TET3: variants seen among roughly 807,000 people sequenced by gnomAD.
TET3 encodes tet methylcytosine dioxygenase 3.
TET3 carries 19 observed loss-of-function variants against 141.4 expected under a neutral mutation model. The ratio of observed to expected loss-of-function variants is 0.13; its 90% CI spans 0.09 to 0.20. The LOEUF is 0.20. Among genes scored for constraint, TET3 ranks in the 10% least tolerant of loss-of-function variants. TET3 has a pLI of 1.00. For missense variants in TET3, 1,874 were observed against 2,356.9 expected (o/e 0.80, Z 4.24); for synonymous variants, 1,043 against 980.9 (o/e 1.06, Z -1.18).
intron 3 of TET3, among the ~76,000 whole-genome samples, chr2:74,017,899 T>G (rs1685818309): frequency 6.6e-6 from 1 of 152,120 alleles, no homozygotes; most frequent in Non-Finnish European, 1.5e-5. Flanking sequence ...TCACCATCAT[T>G]TATTTTTTGT....
chr2:74,041,589 T>C (rs1346205709), intron 3 of TET3, among the ~76,000 whole-genome samples: 2 of 152,210 alleles, frequency 1.3e-5, no homozygotes, highest in East Asian at 3.8e-4. Flanking sequence ...AGAAGAAAGA[T>C]ACATTAATGT....
chr2:74,104,976 A>G lies in TET3; in HGVS notation c.*2800A>G. 5.1e-6 allele frequency: 2 copies of G among 394,318 alleles called. No individual in the cohort carries two copies. The highest frequency in any genetic ancestry group is 8.9e-6 in the Non-Finnish European group (2 of 223,982). 24.4% of individuals were successfully genotyped at this position (394,318 alleles called of 1,614,324 possible). On this transcript the variant is annotated 3_prime_UTR_variant, in exon 12 of 12. Transcript: ENST00000409262. ...ACACTACATGTCTAACCTACCTCAA[A>G]TCTCAGTCATTAAAATTAGCATGCT...
chr2:73,999,505 T>G (rs1172458123), intron 2 of TET3, among the ~76,000 whole-genome samples: 13 of 152,194 alleles, frequency 8.5e-5, no homozygotes, highest in Non-Finnish European at 1.2e-4. Context: ...TTTGAATATC[T>G]GTGTGGAATC....
intron 3 of TET3, among the ~76,000 whole-genome samples, chr2:74,014,220 A>C (rs1430861774): frequency 6.6e-6 from 1 of 152,120 alleles, no homozygotes; most frequent in Non-Finnish European, 1.5e-5. Context: ...GATCCTTAGC[A>C]CATTTTTTCT....
At chr2:74,130,435 G>C in the TET3 span, 3 of 152,320 alleles carry the variant, frequency 2.0e-5, no homozygotes, top group African/African-American at 7.2e-5. Flanking sequence ...TGATTGGGCA[G>C]GGAGTGGAGA....
rs1690653688 is a variant in TET3 at position 74,093,904 on chromosome 2, G to A, written c.3267+238G>A. On this transcript the variant is annotated intron_variant, in intron 10 of 11. Transcript: ENST00000409262. This position sits in a 1 kb window ranked among gnomAD's most constrained non-coding sequence, Gnocchi z 4.2. ...GTCTGTGTCTTAGGGGGATGCTGCA[G>A]GATGTAGCCCCTCAAGCACCTGGAG... Among the ~76,000 whole-genome samples the A allele has an allele frequency of 6.6e-6, 1 of 152,220 alleles. No homozygotes were observed. Among genetic ancestry groups the A allele is most frequent in the South Asian group, 2.1e-4 (1 of 4,822 alleles).
chr2:74,082,775 T>A (rs1399821875), intron 6 of TET3, among the ~76,000 whole-genome samples: 1 of 152,016 alleles, frequency 6.6e-6, no homozygotes. Flanking sequence ...CCTTTGGAAG[T>A]TGAAGAGGAG....
chr2:74,091,652 G>C (rs1018734194), intron 8 of TET3, among the ~76,000 whole-genome samples: 1 of 152,268 alleles, frequency 6.6e-6, no homozygotes, highest in African/African-American at 2.4e-5. Flanking sequence ...CGACCCCACT[G>C]GATGTACAGC....
At position 74,053,423 on chromosome 2, in the gene TET3, T is replaced by C. The variant is rs146109935; in HGVS notation, c.2494+5012T>C. ...TTTTTAGTGGGAAAAGCATCCTTTG[T>C]GCTCATCTAGTCACCATCTTAGAGA... On this transcript the variant is annotated intron_variant, in intron 4 of 11. Coordinates refer to ENST00000409262, the MANE Select transcript of TET3 (RefSeq NM_001287491.2). Among the ~76,000 whole-genome samples the C allele has an allele frequency of 1.7e-4, 26 of 152,340 alleles. No individual in the cohort carries two copies. In the East Asian group the frequency reaches 5.0e-3, roughly 29 times the overall value.
At chr2:74,133,072 ATT>A in the TET3 span, among the ~76,000 whole-genome samples, 28,279 of 104,934 alleles carry the variant, frequency 0.27, 3,174 homozygotes, top group East Asian at 0.43. Flanking sequence ...TAATTTTTGT[ATT>A]TTTTTTTTTT....
intron 4 of TET3, among the ~76,000 whole-genome samples, chr2:74,061,304 C>T (rs1356314272): frequency 7.0e-6 from 1 of 142,530 alleles, no homozygotes; most frequent in Admixed American, 6.8e-5. Flanking sequence ...TCCTCACTTC[C>T]CAGTAGGGGC....
intron 4 of TET3, among the ~76,000 whole-genome samples, chr2:74,050,199 C>T (rs1235358117): frequency 6.6e-6 from 1 of 152,158 alleles, no homozygotes; most frequent in Admixed American, 6.5e-5. Context: ...ATTTGCATCC[C>T]AACTCCATCA....
At chr2:73,987,936 G>A (rs1318524553) in intron 2 of TET3, among the ~76,000 whole-genome samples, 2 of 152,322 alleles carry the variant, frequency 1.3e-5, no homozygotes, top group South Asian at 4.1e-4. Context: ...TAGGAAGAAA[G>A]ATTCAAGTGT....
intron 3 of TET3, among the ~76,000 whole-genome samples, chr2:74,038,054 G>T (rs957591936): frequency 6.6e-6 from 1 of 152,166 alleles, no homozygotes; most frequent in African/African-American, 2.4e-5. Flanking sequence ...GCCTGCAGAT[G>T]TCTGGAGGAC....
rs1573779706 is a variant in TET3, at chr2:74,047,125, C to T, written c.1208C>T (p.Ala403Val). ...PFRSPQSYLR[A>V]PSWPVVPPEE... ...AGATCTCCCCAGTCTTACCTCCGGGCTCCCTCATGGCCTGTGGTTCCTCCT... is the reference window on the plus strand; with the variant it reads ...AGATCTCCCCAGTCTTACCTCCGGGTTCCCTCATGGCCTGTGGTTCCTCCT... Residue 403 changes from alanine (A) to valine (V), a missense_variant, in exon 4 of 12, where the codon GCT becomes GTT. By Grantham distance (64) the Ala-to-Val change is moderately conservative. Around this residue, in one of 10 missense-constraint regions of TET3, gnomAD observed 484 missense variants for 462.2 expected, o/e 1.05. Coordinates refer to ENST00000409262, the MANE Select transcript of TET3 (RefSeq NM_001287491.2). 6.2e-7 allele frequency: 1 copy of T among 1,613,966 alleles called. No homozygotes were observed. Among genetic ancestry groups the T allele is most frequent in the East Asian group, 2.2e-5 (1 of 44,870 alleles).
chr2:74,120,844 C>T, the TET3 span: 2 of 152,218 alleles, frequency 1.3e-5, no homozygotes, highest in Non-Finnish European at 2.9e-5. Context: ...GAATACATTA[C>T]GTAAAACTCT....
chr2:74,122,490 C>CATATATATATAT, the TET3 span: 11 of 59,366 alleles, frequency 1.9e-4, no homozygotes, highest in South Asian at 2.5e-3. Flanking sequence ...TAAATACATA[C>CATATATATATAT]ATATATATAT....
downstream of TET3, among the ~76,000 whole-genome samples, chr2:74,111,389 T>C (rs1311380462): frequency 2.0e-5 from 3 of 152,178 alleles, no homozygotes; most frequent in Non-Finnish European, 4.4e-5. Flanking sequence ...AACTGACCTC[T>C]CAACTCTCCA....
chr2:74,119,957 T>C, the TET3 span, among the ~76,000 whole-genome samples: 2 of 152,248 alleles, frequency 1.3e-5, no homozygotes, highest in Non-Finnish European at 2.9e-5. Flanking sequence ...CCCTTCAAAC[T>C]TATTCCTGTG....
Sources: allele counts gnomAD v4.1 joint callset (sites outside exome capture counted in the v4.1 genomes callset), GRCh38; gene constraint gnomAD v4.1.1; regional missense constraint gnomAD v4.1.1; non-coding constraint Gnocchi (gnomAD v3.1); transcripts MANE v1.5; gene names NCBI Gene and HGNC (gene_info 2026-07-23, HGNC 2026-07-21).